The following SAXO5 variants were observed in gnomAD, a reference collection of about 807,000 sequenced individuals.
SAXO5 encodes testis expressed 45.
chr19:7,506,158 C>A, the SAXO5 span: 3 of 1,605,260 alleles, frequency 1.9e-6, no homozygotes, highest in Non-Finnish European at 2.6e-6. Flanking sequence ...TGCCGCGGGG[C>A]ACGGGCGGTG....
the SAXO5 span, chr19:7,501,144 A>T: frequency 5.3e-6 from 8 of 1,509,388 alleles, no homozygotes; most frequent in South Asian, 3.7e-5. Flanking sequence ...CACGCTCGCC[A>T]TGCAGGCCGG....
At chr19:7,501,854 G>A in the SAXO5 span, among the ~76,000 whole-genome samples, 1 of 142,454 alleles carries the variant, frequency 7.0e-6, no homozygotes, top group Non-Finnish European at 1.5e-5. Context: ...AGAAGAGAAA[G>A]AAGAAAGAGA....
the SAXO5 span, chr19:7,506,962 C>A: frequency 1.0e-6 from 1 of 1,003,318 alleles, no homozygotes; most frequent in Non-Finnish European, 1.6e-6. Flanking sequence ...CTGGCCTGGG[C>A]TTGGCTCTTG....
At chr19:7,506,663 T>TC in the SAXO5 span, 1 of 346,732 alleles carries the variant, frequency 2.9e-6, no homozygotes, top group African/African-American at 2.2e-5. Context: ...CCCTAGCTCC[T>TC]CCGTCCTCCT....
the SAXO5 span, among the ~76,000 whole-genome samples, chr19:7,501,681 C>T: frequency 1.3e-5 from 2 of 151,466 alleles, no homozygotes; most frequent in Non-Finnish European, 2.9e-5. Flanking sequence ...ATTAGTAGGG[C>T]GCGGTGAAGG....
chr19:7,506,079 C>A, the SAXO5 span: 1 of 1,613,994 alleles, frequency 6.2e-7, no homozygotes, highest in Non-Finnish European at 8.5e-7. Flanking sequence ...ACCATGGGCT[C>A]GGACTACTGC....
chr19:7,504,315 C>T, the SAXO5 span: 4 of 1,614,190 alleles, frequency 2.5e-6, no homozygotes, highest in Non-Finnish European at 3.4e-6. Context: ...CCACAGGCCT[C>T]CTCCGGAGTG....
chr19:7,502,391 T>C, the SAXO5 span, among the ~76,000 whole-genome samples: 1 of 152,160 alleles, frequency 6.6e-6, no homozygotes, highest in African/African-American at 2.4e-5. Flanking sequence ...ATTATAGGCA[T>C]GAGCCACTGA....
the SAXO5 span, chr19:7,501,324 C>T: frequency 3.2e-6 from 5 of 1,571,154 alleles, no homozygotes; most frequent in Non-Finnish European, 4.3e-6. Flanking sequence ...GTTGCGCATC[C>T]CGCCCACCAC....
the SAXO5 span, chr19:7,504,335 G>C: frequency 8.7e-6 from 14 of 1,614,102 alleles, no homozygotes; most frequent in Admixed American, 3.3e-5. Context: ...GGAGCTGGGA[G>C]ACTGCAAGAT....
chr19:7,505,803 C>A, the SAXO5 span, among the ~76,000 whole-genome samples: 5 of 152,094 alleles, frequency 3.3e-5, no homozygotes, highest in African/African-American at 1.2e-4. Context: ...GTGGCTCCTT[C>A]TGTAAAATGA....
chr19:7,505,318 G>GT, the SAXO5 span: 39 of 1,612,732 alleles, frequency 2.4e-5, no homozygotes, highest in African/African-American at 4.9e-4. Context: ...AATACACTAC[G>GT]TACAGGTATG....
the SAXO5 span, chr19:7,500,826 G>A: frequency 6.8e-7 from 1 of 1,479,992 alleles, no homozygotes; most frequent in Non-Finnish European, 8.9e-7. Flanking sequence ...TCCCGCGATG[G>A]CCACAGGCGC....
the SAXO5 span, chr19:7,501,325 C>T: frequency 1.9e-6 from 3 of 1,570,806 alleles, no homozygotes; most frequent in Middle Eastern, 1.7e-4. Context: ...TTGCGCATCC[C>T]GCCCACCACG....
At chr19:7,500,213 C>G in the SAXO5 span, among the ~76,000 whole-genome samples, 1 of 152,084 alleles carries the variant, frequency 6.6e-6, no homozygotes, top group Admixed American at 6.5e-5. Context: ...AGTTCCCCAC[C>G]CCTGCTGGCC....
the SAXO5 span, among the ~76,000 whole-genome samples, chr19:7,498,660 G>T: frequency 6.6e-6 from 1 of 152,162 alleles, no homozygotes; most frequent in African/African-American, 2.4e-5. Context: ...CTCCCAAAGT[G>T]CTGGGATTAT....
the SAXO5 span, among the ~76,000 whole-genome samples, chr19:7,503,161 G>C: frequency 7.2e-5 from 11 of 152,124 alleles, no homozygotes; most frequent in Admixed American, 6.5e-4. Flanking sequence ...CCAGGAGTTG[G>C]AGACCAGCCT....
the SAXO5 span, among the ~76,000 whole-genome samples, chr19:7,503,293 G>A: frequency 6.6e-6 from 1 of 152,000 alleles, no homozygotes; most frequent in Non-Finnish European, 1.5e-5. Context: ...CTTGAACCTG[G>A]GAGGAGCAGG....
At chr19:7,497,632 GT>G in the SAXO5 span, 1 of 152,192 alleles carries the variant, frequency 6.6e-6, no homozygotes, top group African/African-American at 2.4e-5. Flanking sequence ...GATCTGGTCT[GT>G]AGCTAAGTGA....
Sources: allele counts gnomAD v4.1 joint callset (sites outside exome capture counted in the v4.1 genomes callset), GRCh38; gene constraint gnomAD v4.1.1; transcripts MANE v1.5; gene names NCBI Gene and HGNC (gene_info 2026-07-23, HGNC 2026-07-21).